AIRE: variants seen among roughly 807,000 people sequenced by gnomAD.
The protein encoded by AIRE is autoimmune polyendocrinopathy candidiasis ectodermal dystrophy protein.
A neutral mutation model predicts 62.1 loss-of-function variants in AIRE; 52 were observed. That is an observed-to-expected ratio of 0.84 (90% CI 0.67 to 1.06). The LOEUF is 1.06. Ranked by LOEUF, AIRE falls within the 50% of genes least tolerant of loss-of-function variation. The pLI is 0.00. For synonymous variants in AIRE, 342 were observed against 321.6 expected (o/e 1.06, Z -0.68); for missense variants, 774 against 755.8 (o/e 1.02, Z -0.28).
intron 13 of AIRE, 99 bp downstream of exon 13, chr21:44,296,544 A>C (rs1274249649): frequency 8.8e-6 from 10 of 1,134,354 alleles, no homozygotes; most frequent in East Asian, 2.4e-5. Flanking sequence ...GCCGGCCCCC[A>C]CTGCTCTTGA....
At chr21:44,293,246 TGA>T (rs2146383782) in intron 10 of AIRE, 71 bp downstream of exon 10, 2 of 1,399,394 alleles carry the variant, frequency 1.4e-6, no homozygotes, top group South Asian at 2.9e-5. Context: ...TGAATTCACC[TGA>T]AACAGGAGGA....
In AIRE at chr21:44,286,511, G is replaced by A. The variant is rs2040483291; in HGVS notation, c.133-46G>A. ...TCATGATGGAGATGGGCAGGCCGCA[G>A]GGTGTGGGGGACCATGGCAGGGACC... On this transcript the variant is annotated intron_variant, in intron 1 of 13. Coordinates refer to ENST00000291582, the MANE Select transcript of AIRE (RefSeq NM_000383.4). This position sits in a 1 kb window ranked among gnomAD's most constrained non-coding sequence, Gnocchi z 6.0. 2 of 1,575,264 alleles carry A rather than the reference G, an allele frequency of 1.3e-6. No individual in the cohort carries two copies. The highest frequency in any genetic ancestry group is 2.3e-5 in the South Asian group (2 of 87,848).
Position 44,292,780 on chromosome 21 carries a change from C to T in AIRE, c.1096-213C>T, listed in dbSNP as rs188363747. On this transcript the variant is annotated intron_variant, in intron 9 of 13. Transcript: ENST00000291582. ...GGCCAGGGGGCCCCCCGTGTGTAGA[C>T]GGGGGAGGAGGGAGGACCACAGAGC... is the stretch of plus-strand genomic sequence containing the variant. Among the ~76,000 whole-genome samples, 593 of 152,156 alleles carry T rather than the reference C, an allele frequency of 3.9e-3. 4 individuals carry two copies. Among genetic ancestry groups the T allele is most frequent in the Non-Finnish European group, 6.8e-3 (463 of 67,964 alleles).
chr21:44,291,275 C>T, intron 8 of AIRE, 65 bp downstream of exon 8: 1 of 1,578,574 alleles, frequency 6.3e-7, no homozygotes, highest in Non-Finnish European at 8.5e-7. Context: ...CACCCACTGA[C>T]CCTGAAGGGA....
chr21:44,285,905 G>T lies in AIRE; in HGVS notation c.-102G>T. 1.7e-6 allele frequency: 2 copies of T among 1,195,894 alleles called. No homozygotes were observed. The highest frequency in any genetic ancestry group is 1.6e-5 in the South Asian group (1 of 62,978). The allele number at this position is 1,195,894 out of a possible 1,614,324, so 74.1% of individuals were successfully genotyped here. A position where few individuals can be genotyped will look rare whatever the true frequency, so the allele number is the denominator to read the frequency against. ...AGACGGGCGGGCGCACAGCCGGCGC[G>T]GAGGCCCCACAGCCCCGCCGGGACC... On this transcript the variant is annotated 5_prime_UTR_variant, in exon 1 of 14. Transcript: ENST00000291582.
intron 12 of AIRE, among the ~76,000 whole-genome samples, chr21:44,295,573 C>T (rs540093597): frequency 2.0e-5 from 3 of 152,322 alleles, no homozygotes; most frequent in East Asian, 3.9e-4. Context: ...GCGGGTACCT[C>T]GTCATTAACC....
chr21:44,289,826 G>C (rs1478152009), intron 6 of AIRE, 24 bp downstream of exon 6: 3 of 1,612,146 alleles, frequency 1.9e-6, no homozygotes, highest in Non-Finnish European at 2.5e-6. Context: ...CTTCCCTGGG[G>C]AGCCTGGCTC....
chr21:44,288,394 C>T lies in AIRE; in HGVS notation c.588C>T (p.Ser196=), dbSNP rs878081. Residue 196 remains serine (S), a synonymous_variant, in exon 5 of 14, where the codon TCC becomes TCT. Coordinates refer to ENST00000291582, the MANE Select transcript of AIRE (RefSeq NM_000383.4). Reference sequence around the variant, plus strand: ...TCCAGAGAGCTGTGGCCATGTCCTCCGGGGACGTCCCGGGAGCCCGAGGGG... The same window carrying T: ...TCCAGAGAGCTGTGGCCATGTCCTCTGGGGACGTCCCGGGAGCCCGAGGGG... ...ASVQRAVAMS[S]GDVPGARGAV... is the part of the protein sequence containing the mutation. 382,411 of 1,612,002 alleles carry T rather than the reference C, an allele frequency of 0.24. 47,850 individuals carry two copies. Among genetic ancestry groups the T allele is most frequent in the Non-Finnish European group, 0.26 (304,929 of 1,179,056 alleles).
rs780642720 is a variant in AIRE, at chr21:44,288,503, C to A, written c.652+45C>A. 8 of 1,419,182 alleles carry A rather than the reference C, an allele frequency of 5.6e-6. No homozygotes were observed. In the East Asian group the frequency reaches 1.4e-4, roughly 24 times the overall value. The allele number at this position is 1,419,182 out of a possible 1,614,324, so 87.9% of individuals were successfully genotyped here. On this transcript the variant is annotated intron_variant, in intron 5 of 13. Transcript: ENST00000291582. ...GATGGGGCTGATGGGGAGACCCAGG[C>A]TCCAAGATGGAAGGAGGACCACGCC...
rs542068286 is a variant in AIRE at position 44,296,469 on chromosome 21, G to A, written c.1566+24G>A. ...AGGTAACGCCTCCCCTGGCCTCCTG[G>A]TGCTCCTCCACTCCCCCTCCCCTGC... On this transcript the variant is annotated intron_variant, in intron 13 of 13. Transcript: ENST00000291582. 3.1e-6 allele frequency: 5 copies of A among 1,604,320 alleles called. No homozygotes were observed. In the South Asian group the frequency reaches 4.4e-5, roughly 14 times the overall value.
Position 44,292,352 on chromosome 21 carries a change from A to G in AIRE, c.1046A>G (p.Gln349Arg). The change falls in exon 9 of 14, where the codon CAG (glutamine) becomes CGG (arginine). Residue 349 changes from glutamine (Q) to arginine (R), a missense_variant. Around this residue, in one of 3 missense-constraint regions of AIRE, gnomAD observed 354 missense variants for 296.1 expected, o/e 1.20. Transcript: ENST00000291582. ...SCLQATVQEV[Q>R]PRAEEPRPQE... ...CTGCAGGCAACAGTCCAGGAGGTGC[A>G]GCCCCGGGCAGAGGAGCCCCGGCCC... The G allele has an allele frequency of 6.4e-7, 1 of 1,573,472 alleles. No homozygotes were observed. Among genetic ancestry groups the G allele is most frequent in the South Asian group, 1.2e-5 (1 of 85,702 alleles).
chr21:44,290,701 G>C, intron 7 of AIRE: 1 of 1,334,136 alleles, frequency 7.5e-7, no homozygotes, highest in Non-Finnish European at 9.9e-7. Context: ...GCACCATCCA[G>C]GCAGGGCACA....
In AIRE at chr21:44,288,440, C is replaced by A; in HGVS notation, c.634C>A (p.Gln212Lys). The A allele has an allele frequency of 6.2e-7, 1 of 1,608,782 alleles. No homozygotes were observed. Among genetic ancestry groups the A allele is most frequent in the Non-Finnish European group, 8.5e-7 (1 of 1,175,934 alleles). ...ARGAVEGILIQQVFESGGSKK... is the reference protein window; with the variant it reads ...ARGAVEGILIKQVFESGGSKK... ...AGGGGCCGTGGAGGGGATCCTCATC[C>A]AGCAGGTGTTTGAGTCAGGTAGACG... is the stretch of plus-strand genomic sequence containing the variant. Residue 212 changes from glutamine (Q) to lysine (K), a missense_variant, in exon 5 of 14, where the codon CAG becomes AAG. Gln to Lys is a moderately conservative substitution (Grantham distance 53). This residue lies in a region of AIRE where 385 missense variants were observed against 396.0 expected (regional missense o/e 0.97). Transcript: ENST00000291582.
At position 44,293,830 on chromosome 21, in the gene AIRE, T is replaced by TACGG; in HGVS notation, c.1324_1327dup (p.Val443GlyfsTer62). The TACGG allele has an allele frequency of 6.3e-7, 1 of 1,596,898 alleles. No homozygotes were observed. Among genetic ancestry groups the TACGG allele is most frequent in the Non-Finnish European group, 8.5e-7 (1 of 1,179,590 alleles). On this transcript the variant is annotated frameshift_variant, in exon 11 of 14. Coordinates refer to ENST00000291582, the MANE Select transcript of AIRE (RefSeq NM_000383.4). LOFTEE classifies it high-confidence loss of function. ...CGCGTTGCGGGGTGTGCGGAGATGG[T>TACGG]ACGGACGTGCTGCGGTGTACTCACT... is the stretch of plus-strand genomic sequence containing the variant.
intron 12 of AIRE, 50 bp downstream of exon 12, chr21:44,294,553 C>A: frequency 8.9e-7 from 1 of 1,126,826 alleles, no homozygotes; most frequent in East Asian, 2.7e-5. Context: ...GGGTGGGGAA[C>A]CCCTTGGGTT....
rs747941115 is a variant in AIRE at position 44,286,597 on chromosome 21, C to G, written c.173C>G (p.Ala58Gly). 9 of 1,612,594 alleles carry G rather than the reference C, an allele frequency of 5.6e-6. No homozygotes were observed. Among genetic ancestry groups the G allele is most frequent in the African/African-American group, 1.3e-5 (1 of 74,920 alleles). The change falls in exon 2 of 14, where the codon GCC (alanine) becomes GGC (glycine). Residue 58 changes from alanine (A) to glycine (G), a missense_variant. Around this residue, in one of 3 missense-constraint regions of AIRE, gnomAD observed 385 missense variants for 396.0 expected, o/e 0.97. Coordinates refer to ENST00000291582, the MANE Select transcript of AIRE (RefSeq NM_000383.4). This position sits in a 1 kb window ranked among gnomAD's most constrained non-coding sequence, Gnocchi z 6.0. ...AAGGAAAAGGAGGGCTGCCCCCAGG[C>G]CTTCCACGCCCTCCTGTCCTGGCTG... The part of the protein sequence containing the change: ...HLKEKEGCPQ[A>G]FHALLSWLLT...
At chr21:44,296,313 C>A in intron 12 of AIRE, 70 bp from the exon 13 acceptor site, 1 of 1,406,298 alleles carries the variant, frequency 7.1e-7, no homozygotes, top group Non-Finnish European at 1.0e-6. Flanking sequence ...GGCCCCTAGG[C>A]CCTGCGGCCT....
intron 13 of AIRE, 43 bp downstream of exon 13, chr21:44,296,488 C>T (rs559907229): frequency 1.5e-5 from 24 of 1,572,130 alleles, no homozygotes; most frequent in Non-Finnish European, 2.0e-5. Flanking sequence ...CACTCCCCCT[C>T]CCCTGCCTCA....
At chr21:44,289,355 GA>G in intron 5 of AIRE, 1 of 438,496 alleles carries the variant, frequency 2.3e-6, no homozygotes, top group Non-Finnish European at 4.1e-6. Context: ...ACCAGTCATT[GA>G]ACTTATGGTC....
Sources: gnomAD v4.1 joint callset for allele counts (sites outside exome capture counted in the v4.1 genomes callset) on GRCh38, gnomAD v4.1.1 for gene constraint, gnomAD v4.1.1 regional missense constraint, Gnocchi (gnomAD v3.1) non-coding constraint, MANE v1.5 for transcripts, NCBI Gene and HGNC (gene_info 2026-07-23, HGNC 2026-07-21) for gene names.